WWOX: variants seen among roughly 807,000 people sequenced by gnomAD.
WWOX encodes WW domain containing oxidoreductase.
In WWOX, 69 loss-of-function variants were observed where a neutral mutation model predicts 46.2. The ratio of observed to expected loss-of-function variants is 1.49; its 90% CI spans 1.23 to 1.82. WWOX has a LOEUF of 1.82. Ranked by LOEUF, WWOX falls within the 40% of genes most tolerant of loss-of-function variation. The pLI, the probability that WWOX is intolerant of heterozygous loss-of-function variation, is 0.00. For missense variants in WWOX, 919 were observed against 542.6 expected, an observed-to-expected ratio of 1.69 and a Z score of -6.89; for synonymous variants, 359 against 202.6, an observed-to-expected ratio of 1.77 and a Z score of -6.56.
Position 78,906,222 on chromosome 16 carries a change from G to C in WWOX, c.1057-305386G>C, listed in dbSNP as rs73581228. Among the ~76,000 whole-genome samples the C allele has an allele frequency of 4.1e-3, 623 of 152,280 alleles. 5 individuals carry two copies. The highest frequency in any genetic ancestry group is 0.015 in the African/African-American group (603 of 41,556). ...CTGGTGTGGTGAGTTATCTCCCTGG[G>C]CCTTGAGATAGCCATGCTGTTTTGT... On this transcript the variant is annotated intron_variant, in intron 8 of 8. Transcript: ENST00000566780.
At chr16:78,504,897 C>T (rs1019105551) in intron 8 of WWOX, among the ~76,000 whole-genome samples, 2 of 151,972 alleles carry the variant, frequency 1.3e-5, no homozygotes. Context: ...GAAACCAAAC[C>T]CACATTAATT....
intron 8 of WWOX, among the ~76,000 whole-genome samples, chr16:78,992,662 G>A (rs1464436885): frequency 6.6e-6 from 1 of 152,066 alleles, no homozygotes; most frequent in Non-Finnish European, 1.5e-5. Context: ...GTGGAAGTTG[G>A]CCCACAGAAG....
intron 5 of WWOX, among the ~76,000 whole-genome samples, chr16:78,368,902 C>G (rs770731322): frequency 6.6e-6 from 1 of 152,210 alleles, no homozygotes. Context: ...CATCCCACCA[C>G]TGCTCTGTGT....
At chr16:78,566,329 A>T (rs534879073) in intron 8 of WWOX, among the ~76,000 whole-genome samples, 1 of 152,306 alleles carries the variant, frequency 6.6e-6, no homozygotes, top group Admixed American at 6.5e-5. Context: ...CATAACAACT[A>T]TCTCACTTAC....
intron 8 of WWOX, among the ~76,000 whole-genome samples, chr16:79,097,289 C>G (rs1488828072): frequency 1.3e-5 from 2 of 151,642 alleles, no homozygotes; most frequent in Non-Finnish European, 2.9e-5. Context: ...GGCATTTATT[C>G]AAGATCCGAG....
chr16:78,882,347 C>A (rs191543423), intron 8 of WWOX, among the ~76,000 whole-genome samples: 3 of 152,228 alleles, frequency 2.0e-5, no homozygotes, highest in East Asian at 1.9e-4. Flanking sequence ...AGCGACTTGC[C>A]CAAAATAGCA....
intron 8 of WWOX, among the ~76,000 whole-genome samples, chr16:78,802,122 C>G (rs1190556528): frequency 6.7e-6 from 1 of 150,368 alleles, no homozygotes; most frequent in Non-Finnish European, 1.5e-5. Flanking sequence ...GAATCTCACT[C>G]TTAGATCAGA....
intron 8 of WWOX, among the ~76,000 whole-genome samples, chr16:79,121,450 C>G (rs181884660): frequency 6.6e-5 from 10 of 152,260 alleles, no homozygotes; most frequent in Non-Finnish European, 1.2e-4. Flanking sequence ...TTCTAAGGTC[C>G]GATGTCGGTT....
At chr16:78,421,456 C>T (rs1310232749) in intron 6 of WWOX, among the ~76,000 whole-genome samples, 1 of 152,134 alleles carries the variant, frequency 6.6e-6, no homozygotes. Context: ...GGATTTAAGG[C>T]CCACCTTAAT....
At chr16:78,764,566 C>T (rs1033508403) in intron 8 of WWOX, among the ~76,000 whole-genome samples, 2 of 138,898 alleles carry the variant, frequency 1.4e-5, no homozygotes, top group African/African-American at 5.3e-5. Flanking sequence ...TGGCCTTCAT[C>T]TGTTACTCGC....
chr16:78,603,521 C>G (rs755684501), intron 8 of WWOX, among the ~76,000 whole-genome samples: 1 of 152,068 alleles, frequency 6.6e-6, no homozygotes. Flanking sequence ...ATGGTGAAAC[C>G]CCATCTCACC....
chr16:78,519,872 C>A (rs984329671), intron 8 of WWOX, among the ~76,000 whole-genome samples: 4 of 152,154 alleles, frequency 2.6e-5, no homozygotes, highest in African/African-American at 9.7e-5. Flanking sequence ...TACTCATAAG[C>A]CACCTAAGTT....
At chr16:79,043,761 C>T (rs185023602) in intron 8 of WWOX, among the ~76,000 whole-genome samples, 8 of 152,280 alleles carry the variant, frequency 5.3e-5, no homozygotes, top group Non-Finnish European at 1.2e-4. Flanking sequence ...ATGATATTAT[C>T]AGACACCTTT....
intron 7 of WWOX, among the ~76,000 whole-genome samples, chr16:78,426,117 A>T (rs1351900437): frequency 6.6e-6 from 1 of 152,226 alleles, no homozygotes; most frequent in African/African-American, 2.4e-5. Flanking sequence ...AAATGCCAGT[A>T]ATAATCCTCC....
chr16:78,608,543 CTG>C (rs1351114275), intron 8 of WWOX, among the ~76,000 whole-genome samples: 1 of 152,288 alleles, frequency 6.6e-6, no homozygotes, highest in East Asian at 1.9e-4. Flanking sequence ...AAGAGCCACT[CTG>C]TGCAGAAATG....
At chr16:78,502,608 T>A (rs1252712865) in intron 8 of WWOX, among the ~76,000 whole-genome samples, 1 of 152,240 alleles carries the variant, frequency 6.6e-6, no homozygotes, top group Non-Finnish European at 1.5e-5. Flanking sequence ...TTGTGTCTAT[T>A]ATGAATAATG....
chr16:78,372,222 T>A (rs762136225), intron 5 of WWOX, among the ~76,000 whole-genome samples: 1 of 152,190 alleles, frequency 6.6e-6, no homozygotes, highest in Non-Finnish European at 1.5e-5. Flanking sequence ...AGAGAACATA[T>A]TCACTTTTCT....
chr16:78,536,230 C>T (rs13336831), intron 8 of WWOX, among the ~76,000 whole-genome samples: 3,807 of 152,152 alleles, frequency 0.025, 103 homozygotes, highest in African/African-American at 0.065. Flanking sequence ...TTTGCCCCCA[C>T]CAAAATGAAG....
At chr16:78,307,921 G>T (rs2080163405) in intron 5 of WWOX, among the ~76,000 whole-genome samples, 1 of 152,118 alleles carries the variant, frequency 6.6e-6, no homozygotes, top group East Asian at 1.9e-4. Context: ...TTCAATTGTG[G>T]TTAAGCACCA....
Sources: gnomAD v4.1 joint callset for allele counts (sites outside exome capture counted in the v4.1 genomes callset) on GRCh38, gnomAD v4.1.1 for gene constraint, MANE v1.5 for transcripts, NCBI Gene and HGNC (gene_info 2026-07-23, HGNC 2026-07-21) for gene names.